The following PLEKHM3 variants were observed in gnomAD, a reference collection of about 807,000 sequenced individuals.
PLEKHM3 encodes the protein pleckstrin homology domain containing M3.
Under a neutral mutation model 81.8 loss-of-function variants are expected in PLEKHM3, and 45 were observed. The ratio of observed to expected loss-of-function variants is 0.55; its 90% CI spans 0.43 to 0.71. PLEKHM3 has a LOEUF of 0.71. Ranked by LOEUF, PLEKHM3 falls within the 30% of genes least tolerant of loss-of-function variation. PLEKHM3 has a pLI of 0.00. For missense variants in PLEKHM3, 788 were observed against 924.3 expected (o/e 0.85, Z 1.91); for synonymous variants, 352 against 356.4 (o/e 0.99, Z 0.14).
intron 5 of PLEKHM3, among the ~76,000 whole-genome samples, chr2:207,928,064 G>A (rs184379702): frequency 1.3e-5 from 2 of 152,160 alleles, no homozygotes; most frequent in African/African-American, 4.8e-5. Flanking sequence ...AGCCGTAAAA[G>A]TACTATTTGT....
At chr2:208,013,299 C>A (rs184200991) in intron 1 of PLEKHM3, among the ~76,000 whole-genome samples, 83 of 152,120 alleles carry the variant, frequency 5.5e-4, no homozygotes, top group African/African-American at 1.8e-3. Context: ...AGGCAGATCA[C>A]GAGGTCAGGA....
chr2:207,918,446 T>C (rs1380380323), intron 5 of PLEKHM3, among the ~76,000 whole-genome samples: 1 of 152,074 alleles, frequency 6.6e-6, no homozygotes, highest in Non-Finnish European at 1.5e-5. Context: ...GGCATGAACC[T>C]GGGAGGCGGA....
Position 207,906,125 on chromosome 2 carries a change from C to T in PLEKHM3, c.1950+2389G>A, listed in dbSNP as rs144374186. ...CAAAGAGTACTCACTTTGGAGCCCACCCATTGTACTTTAAACCATCTTTAC... is the reference window on the plus strand; with the variant it reads ...CAAAGAGTACTCACTTTGGAGCCCATCCATTGTACTTTAAACCATCTTTAC... On this transcript the variant is annotated intron_variant, in intron 6 of 7. Transcript: ENST00000427836. Among the ~76,000 whole-genome samples the T allele has an allele frequency of 1.2e-4, 19 of 152,310 alleles. No homozygotes were observed. In the East Asian group the frequency reaches 3.7e-3, roughly 29 times the overall value.
chr2:207,876,284 T>C (rs2092559513), intron 6 of PLEKHM3, among the ~76,000 whole-genome samples: 1 of 148,886 alleles, frequency 6.7e-6, no homozygotes. Context: ...TTTAAATTGT[T>C]AAAAAAAAAA....
chr2:207,957,437 G>A (rs772901422), intron 3 of PLEKHM3, among the ~76,000 whole-genome samples: 2 of 152,192 alleles, frequency 1.3e-5, no homozygotes, highest in Non-Finnish European at 2.9e-5. Context: ...GGTGGCTCAC[G>A]CCTGTAATCC....
chr2:207,862,194 TTC>T (rs1203742060), intron 6 of PLEKHM3, among the ~76,000 whole-genome samples: 1 of 152,250 alleles, frequency 6.6e-6, no homozygotes, highest in Non-Finnish European at 1.5e-5. Flanking sequence ...CTGCCTTTGC[TTC>T]TCTCTAATTA....
chr2:207,859,348 G>A (rs1435727803), intron 7 of PLEKHM3, among the ~76,000 whole-genome samples: 1 of 151,818 alleles, frequency 6.6e-6, no homozygotes, highest in East Asian at 1.9e-4. Flanking sequence ...ATGTTGGTCA[G>A]GGTGGTCTCG....
chr2:207,946,607 T>C, intron 3 of PLEKHM3, 95 bp from the exon 4 acceptor site: 2 of 1,452,856 alleles, frequency 1.4e-6, no homozygotes, highest in East Asian at 2.3e-5. Context: ...AACAAGGTTA[T>C]ATTTCATTTA....
At chr2:207,903,038 C>T (rs1574389232) in intron 6 of PLEKHM3, among the ~76,000 whole-genome samples, 1 of 152,122 alleles carries the variant, frequency 6.6e-6, no homozygotes, top group South Asian at 2.1e-4. Context: ...GGTCCTCCCA[C>T]CTGGCATCCT....
Position 207,824,159 on chromosome 2 carries a change from G to C in PLEKHM3, c.*4160C>G, listed in dbSNP as rs2092235445. 1 of 152,166 alleles carries C rather than the reference G, an allele frequency of 6.6e-6. No individual in the cohort carries two copies. Among genetic ancestry groups the C allele is most frequent in the Admixed American group, 6.5e-5 (1 of 15,278 alleles). The allele number at this position is 152,166 out of a possible 1,614,324, so 9.4% of individuals were successfully genotyped here. ...AAGTGACACGGAGGCAGGGGAAACA[G>C]AGAGTGCCGCTACCGATTCAGGTCA... On this transcript the variant is annotated 3_prime_UTR_variant, in exon 8 of 8. Transcript: ENST00000427836.
rs529671764 is a variant in PLEKHM3, at chr2:207,842,360, T to C, written c.2109-13864A>G. ...TATTGGACGTTCTGAACATCTCAGA[T>C]GCTTTTCATTTTTATATAAGGATAA... is the stretch of plus-strand genomic sequence containing the variant. On this transcript the variant is annotated intron_variant, in intron 7 of 7. Coordinates refer to ENST00000427836, the MANE Select transcript of PLEKHM3 (RefSeq NM_001080475.3). 2.6e-4 allele frequency among the ~76,000 whole-genome samples: 40 copies of C among 152,368 alleles called. 1 individual carries two copies. Among genetic ancestry groups the C allele is most frequent in the African/African-American group, 9.1e-4 (38 of 41,590 alleles).
chr2:207,866,347 G>A (rs1482055363), intron 6 of PLEKHM3, among the ~76,000 whole-genome samples: 1 of 152,108 alleles, frequency 6.6e-6, no homozygotes, highest in Non-Finnish European at 1.5e-5. Context: ...AGTAGAGGTG[G>A]GGTTTCACCA....
At chr2:207,955,877 T>A (rs988891459) in intron 3 of PLEKHM3, among the ~76,000 whole-genome samples, 3 of 151,926 alleles carry the variant, frequency 2.0e-5, no homozygotes, top group Non-Finnish European at 4.4e-5. Flanking sequence ...AGATGAAGGG[T>A]GAGGGGAAGA....
intron 1 of PLEKHM3, among the ~76,000 whole-genome samples, chr2:208,024,501 T>A (rs1416249229): frequency 6.6e-6 from 1 of 152,230 alleles, no homozygotes; most frequent in Non-Finnish European, 1.5e-5. Context: ...CTACTGATAT[T>A]TTTAGAGACT....
At position 207,904,226 on chromosome 2, in the gene PLEKHM3, T is replaced by G. The variant is rs142222187; in HGVS notation, c.1950+4288A>C. Among the ~76,000 whole-genome samples, 795 of 152,284 alleles carry G rather than the reference T, an allele frequency of 5.2e-3. 3 individuals carry two copies. The highest frequency in any genetic ancestry group is 0.031 in the Middle Eastern group (9 of 294). On this transcript the variant is annotated intron_variant, in intron 6 of 7. Transcript: ENST00000427836. The stretch of plus-strand genomic sequence containing the variant: ...AGCAGTACCTTCTGTTAAAGTTATA[T>G]TCAAAGAGTTTGGATTGAATATGTT...
intron 5 of PLEKHM3, among the ~76,000 whole-genome samples, chr2:207,919,541 G>A (rs1689113556): frequency 6.6e-6 from 1 of 152,176 alleles, no homozygotes; most frequent in African/African-American, 2.4e-5. Context: ...GTGAAAAGTG[G>A]ATAGATTTTG....
chr2:207,956,275 G>A (rs999991694), intron 3 of PLEKHM3, among the ~76,000 whole-genome samples: 4 of 151,992 alleles, frequency 2.6e-5, no homozygotes, highest in African/African-American at 4.8e-5. Flanking sequence ...GACCAGCCTG[G>A]CCAACATGGT....
At chr2:208,011,181 G>A (rs943604346) in intron 1 of PLEKHM3, among the ~76,000 whole-genome samples, 79 of 152,032 alleles carry the variant, frequency 5.2e-4, no homozygotes, top group East Asian at 3.9e-4. Context: ...ATAGTGTGGC[G>A]ATTCCTTTAA....
intron 7 of PLEKHM3, among the ~76,000 whole-genome samples, chr2:207,840,866 T>C (rs2092347372): frequency 6.7e-6 from 1 of 149,594 alleles, no homozygotes; most frequent in African/African-American, 2.5e-5. Flanking sequence ...AGTAGTGTGA[T>C]CTCGGCTCAC....
Sources: gnomAD v4.1 joint callset for allele counts (sites outside exome capture counted in the v4.1 genomes callset) on GRCh38, gnomAD v4.1.1 for gene constraint, MANE v1.5 for transcripts, NCBI Gene and HGNC (gene_info 2026-07-23, HGNC 2026-07-21) for gene names.